Variants in ATP13A5 observed in about 807,000 individuals in gnomAD.
ATP13A5 encodes the protein probable cation-transporting ATPase 13A5.
ATP13A5 carries 149 observed loss-of-function variants against 150.2 expected under a neutral mutation model. The observed-to-expected ratio is 0.99, with a 90% CI of 0.87 to 1.14. The LOEUF is 1.14. Among genes scored for constraint, ATP13A5 ranks in the 50% most tolerant of loss-of-function variants. The pLI is 0.00. For synonymous variants in ATP13A5, 497 were observed against 522.2 expected, an observed-to-expected ratio of 0.95 and a Z score of 0.66; for missense variants, 1,383 against 1,449.3, an observed-to-expected ratio of 0.95 and a Z score of 0.74.
At chr3:193,290,892 T>A (rs1437424039) in intron 25 of ATP13A5, among the ~76,000 whole-genome samples, 1 of 152,132 alleles carries the variant, frequency 6.6e-6, no homozygotes. Flanking sequence ...GGAATTTGAA[T>A]TTAAAGACTG....
At chr3:193,371,316 T>C (rs1713430574) in intron 1 of ATP13A5, among the ~76,000 whole-genome samples, 1 of 152,258 alleles carries the variant, frequency 6.6e-6, no homozygotes, top group African/African-American at 2.4e-5. Flanking sequence ...ATCTATCGTC[T>C]GCTTAAGAGG....
intron 25 of ATP13A5, among the ~76,000 whole-genome samples, chr3:193,294,937 G>T (rs931946252): frequency 6.6e-6 from 1 of 152,130 alleles, no homozygotes; most frequent in African/African-American, 2.4e-5. Context: ...TTGGCTGGCT[G>T]AGAGCTGCAG....
intron 2 of ATP13A5, 60 bp from the exon 3 acceptor site, chr3:193,363,442 AACCAAAT>A: frequency 6.8e-7 from 1 of 1,471,506 alleles, no homozygotes; most frequent in Non-Finnish European, 9.3e-7. Context: ...GTGCTCAATC[AACCAAAT>A]ACCTACCAAG....
At chr3:193,308,581 G>C (rs1323679743) in intron 21 of ATP13A5, among the ~76,000 whole-genome samples, 1 of 152,150 alleles carries the variant, frequency 6.6e-6, no homozygotes, top group Non-Finnish European at 1.5e-5. Context: ...GTTGAAAAAT[G>C]GCTCCTTCTT....
At chr3:193,369,931 C>G (rs543214496) in intron 1 of ATP13A5, among the ~76,000 whole-genome samples, 2 of 152,272 alleles carry the variant, frequency 1.3e-5, no homozygotes, top group South Asian at 4.2e-4. Context: ...GGTTCAGTCA[C>G]AGGAGGAAAG....
intron 16 of ATP13A5, among the ~76,000 whole-genome samples, chr3:193,320,141 G>A (rs9827949): frequency 6.6e-6 from 1 of 152,170 alleles, no homozygotes; most frequent in Non-Finnish European, 1.5e-5. Context: ...AGCTTAGGTG[G>A]CAAATCAACT....
chr3:193,328,860 T>C (rs191882296), intron 12 of ATP13A5, among the ~76,000 whole-genome samples: 29 of 152,324 alleles, frequency 1.9e-4, no homozygotes, highest in Admixed American at 1.4e-3. Flanking sequence ...GCAGAGTGCT[T>C]TATTCCAACA....
At chr3:193,338,998 C>G (rs1372826082) in intron 9 of ATP13A5, among the ~76,000 whole-genome samples, 1 of 152,122 alleles carries the variant, frequency 6.6e-6, no homozygotes, top group African/African-American at 2.4e-5. Context: ...TCAATTTCTT[C>G]TAGATTTTCT....
chr3:193,324,754 C>T (rs955091628), intron 14 of ATP13A5, 110 bp downstream of exon 14: 1 of 1,238,306 alleles, frequency 8.1e-7, no homozygotes, highest in Non-Finnish European at 1.1e-6. Flanking sequence ...CACGCTTATA[C>T]ATACATTATT....
At chr3:193,280,744 C>A (rs1040080232) in intron 27 of ATP13A5, among the ~76,000 whole-genome samples, 1 of 152,138 alleles carries the variant, frequency 6.6e-6, no homozygotes, top group Admixed American at 6.6e-5. Context: ...AGAATTATCA[C>A]CTTCAGGCCC....
At chr3:193,304,185 G>A (rs1718520147) in intron 23 of ATP13A5, among the ~76,000 whole-genome samples, 2 of 152,170 alleles carry the variant, frequency 1.3e-5, no homozygotes, top group Admixed American at 6.6e-5. Flanking sequence ...GTGAAGAAGA[G>A]GAAGGAGTTA....
chr3:193,302,216 A>G (rs999079187), intron 23 of ATP13A5, among the ~76,000 whole-genome samples: 8 of 152,198 alleles, frequency 5.3e-5, no homozygotes, highest in African/African-American at 1.9e-4. Flanking sequence ...CATGAAAAGA[A>G]GAACCTAAAA....
intron 1 of ATP13A5, among the ~76,000 whole-genome samples, chr3:193,376,443 C>T (rs188641030): frequency 6.6e-6 from 1 of 152,230 alleles, no homozygotes; most frequent in Admixed American, 6.5e-5. Context: ...AACTTCTGGC[C>T]TCAAGAGATC....
intron 1 of ATP13A5, among the ~76,000 whole-genome samples, chr3:193,366,710 T>G (rs1358040709): frequency 6.6e-6 from 1 of 152,042 alleles, no homozygotes; most frequent in Non-Finnish European, 1.5e-5. Context: ...TCAGTAGGAA[T>G]GCAGGAAGTC....
intron 23 of ATP13A5, among the ~76,000 whole-genome samples, chr3:193,304,950 T>C (rs1182076684): frequency 6.6e-6 from 1 of 152,060 alleles, no homozygotes; most frequent in Non-Finnish European, 1.5e-5. Context: ...ACTTTAAAAT[T>C]CATCACATCT....
At chr3:193,292,920 C>A (rs886277411) in intron 25 of ATP13A5, among the ~76,000 whole-genome samples, 1 of 152,058 alleles carries the variant, frequency 6.6e-6, no homozygotes, top group African/African-American at 2.4e-5. Context: ...AATCTGTATA[C>A]CTGATTATAA....
chr3:193,360,220 C>T (rs1046888275), intron 5 of ATP13A5, among the ~76,000 whole-genome samples: 1 of 152,212 alleles, frequency 6.6e-6, no homozygotes, highest in African/African-American at 2.4e-5. Context: ...CACAATTTCT[C>T]TCCGGGGTAA....
chr3:193,314,592 G>C (rs184889278), intron 18 of ATP13A5, among the ~76,000 whole-genome samples: 5 of 152,072 alleles, frequency 3.3e-5, no homozygotes, highest in Non-Finnish European at 7.4e-5. Context: ...TGGGTTTGAC[G>C]ATCATACACC....
At chr3:193,276,951 T>A in intron 28 of ATP13A5, 121 bp from the exon 29 acceptor site, 1 of 740,266 alleles carries the variant, frequency 1.4e-6, no homozygotes. Flanking sequence ...GGGCATTACT[T>A]TGTCCCTTTA....
Sources: gnomAD v4.1 joint callset for allele counts (sites outside exome capture counted in the v4.1 genomes callset) on GRCh38, gnomAD v4.1.1 for gene constraint, MANE v1.5 for transcripts, NCBI Gene and HGNC (gene_info 2026-07-23, HGNC 2026-07-21) for gene names.